Variants in SKP2 observed in about 807,000 individuals in gnomAD.
The protein encoded by SKP2 is S-phase kinase associated protein 2.
A neutral mutation model predicts 51.8 loss-of-function variants in SKP2; 16 were observed. The observed-to-expected ratio is 0.31, with a 90% CI of 0.21 to 0.47. The LOEUF (loss-of-function observed/expected upper bound fraction) is 0.47. Ranked by LOEUF, SKP2 falls within the 20% of genes least tolerant of loss-of-function variation. SKP2 has a pLI of 1.00. For missense variants in SKP2, 377 were observed against 505.3 expected (o/e 0.75, Z 2.43); for synonymous variants, 176 against 198.6 (o/e 0.89, Z 0.96).
At position 36,183,156 on chromosome 5, in the gene SKP2, C is replaced by T. The variant is rs545954479; in HGVS notation, c.*1125C>T. ...CATGCAGTTTCAGTAGTAAGCACTA[C>T]TTATACCTACATAAGAGTTAAAATC... On this transcript the variant is annotated 3_prime_UTR_variant, in exon 10 of 10. Coordinates refer to ENST00000274255, the MANE Select transcript of SKP2 (RefSeq NM_005983.4). The T allele has an allele frequency of 1.0e-6, 1 of 977,018 alleles. No homozygotes were observed. The highest frequency in any genetic ancestry group is 1.1e-4 in the East Asian group (1 of 8,794). 60.5% of individuals were successfully genotyped at this position (977,018 alleles called of 1,614,324 possible).
intron 7 of SKP2, among the ~76,000 whole-genome samples, chr5:36,175,294 G>C (rs748029076): frequency 3.2e-4 from 48 of 152,176 alleles, no homozygotes; most frequent in Non-Finnish European, 5.6e-4. Flanking sequence ...AAAGAGTTTA[G>C]GGAAGGAGGA....
intron 2 of SKP2, among the ~76,000 whole-genome samples, chr5:36,159,057 G>A (rs115703181): frequency 1.3e-5 from 2 of 152,204 alleles, no homozygotes; most frequent in African/African-American, 4.8e-5. Context: ...ATAGAGTCCT[G>A]TTATGTGCCA....
At chr5:36,186,152 G>T (rs1473809200), downstream of SKP2, among the ~76,000 whole-genome samples, 1 of 152,138 alleles carries the variant, frequency 6.6e-6, no homozygotes, top group Non-Finnish European at 1.5e-5. Flanking sequence ...GGAGATTTTG[G>T]CTGAGACGAT....
chr5:36,155,418 T>G (rs932780554), intron 2 of SKP2, among the ~76,000 whole-genome samples: 17 of 152,188 alleles, frequency 1.1e-4, no homozygotes, highest in African/African-American at 3.9e-4. Context: ...TTTCTTTGCC[T>G]TAGTTCCTTT....
At position 36,178,625 on chromosome 5, in the gene SKP2, G is replaced by A. The variant is rs139783247; in HGVS notation, c.1061+1333G>A. Among the ~76,000 whole-genome samples the A allele has an allele frequency of 3.3e-4, 50 of 152,090 alleles. No individual in the cohort carries two copies. The East Asian group carries it at 6.2e-3, about 19-fold the overall frequency. ...TCCAGAACTCCTAGGAGCTTCTAGC[G>A]TCTACCCAAAAAGGCTTCTTTGTCA... On this transcript the variant is annotated intron_variant, in intron 9 of 9. Transcript: ENST00000274255.
intron 6 of SKP2, among the ~76,000 whole-genome samples, chr5:36,191,715 G>T (rs1022408412): frequency 2.6e-5 from 4 of 152,138 alleles, no homozygotes; most frequent in African/African-American, 9.7e-5. Flanking sequence ...AAGTAGTCTA[G>T]AGACTGGGCA....
At chr5:36,174,985 A>G (rs1745586535) in intron 7 of SKP2, among the ~76,000 whole-genome samples, 1 of 152,164 alleles carries the variant, frequency 6.6e-6, no homozygotes, top group Admixed American at 6.5e-5. Flanking sequence ...GGATATGGGA[A>G]GCCATTGGAG....
intron 9 of SKP2, among the ~76,000 whole-genome samples, 179 bp from the exon 10 acceptor site, chr5:36,181,639 A>G (rs1745814737): frequency 6.6e-6 from 1 of 152,208 alleles, no homozygotes; most frequent in Non-Finnish European, 1.5e-5. Context: ...CATGTTGCTC[A>G]AGCTATATGG....
chr5:36,156,611 C>T (rs144212874), intron 2 of SKP2, among the ~76,000 whole-genome samples: 132 of 152,164 alleles, frequency 8.7e-4, no homozygotes, highest in Middle Eastern at 3.4e-3. Context: ...CAGTAACAGG[C>T]GGAAAGGGGA....
In SKP2 at chr5:36,161,489, T is replaced by C. The variant is rs898287888; in HGVS notation, c.281-2156T>C. Among the ~76,000 whole-genome samples the C allele has an allele frequency of 5.3e-5, 8 of 152,244 alleles. No homozygotes were observed. The East Asian group carries it at 1.5e-3, about 29-fold the overall frequency. On this transcript the variant is annotated intron_variant, in intron 2 of 9. Coordinates refer to ENST00000274255, the MANE Select transcript of SKP2 (RefSeq NM_005983.4). Reference sequence around the variant, plus strand: ...GGCAAGCACAGGATGTGCAAAAGCATTGAGATACGGCACAGAATGACTCAT... The same window carrying C: ...GGCAAGCACAGGATGTGCAAAAGCACTGAGATACGGCACAGAATGACTCAT...
intron 6 of SKP2, among the ~76,000 whole-genome samples, chr5:36,191,166 A>G (rs533925741): frequency 6.6e-6 from 1 of 152,308 alleles, no homozygotes; most frequent in South Asian, 2.1e-4. Context: ...GGTTAGATCT[A>G]GCAACAAAAA....
At chr5:36,171,235 C>A (rs11960031) in intron 6 of SKP2, among the ~76,000 whole-genome samples, 24,987 of 152,156 alleles carry the variant, frequency 0.16, 4,249 homozygotes, top group African/African-American at 0.43. Context: ...TCAGTGCAAT[C>A]CATCAATTGC....
At position 36,170,294 on chromosome 5, in the gene SKP2, G is replaced by A. The variant is rs190542084; in HGVS notation, c.672-50G>A. 58 of 1,057,194 alleles carry A rather than the reference G, an allele frequency of 5.5e-5. No homozygotes were observed. In the African/African-American group the frequency reaches 8.3e-4, roughly 15 times the overall value. 65.5% of individuals were successfully genotyped at this position (1,057,194 alleles called of 1,614,324 possible). ...CTGCTTTCATCTAAATGTTGTTGAT[G>A]AATAGTGTCTTACTGGTCTTTTTCT... On this transcript the variant is annotated intron_variant, in intron 5 of 9. Coordinates refer to ENST00000274255, the MANE Select transcript of SKP2 (RefSeq NM_005983.4).
Position 36,155,482 on chromosome 5 carries a change from T to C in SKP2, c.280+2440T>C, listed in dbSNP as rs757048154. 2.0e-5 allele frequency among the ~76,000 whole-genome samples: 3 copies of C among 152,334 alleles called. No homozygotes were observed. The South Asian group carries it at 6.2e-4, about 32-fold the overall frequency. Reference sequence around the variant, plus strand: ...CCCACTTCACAGGTCGTCGTGAAGATTAAATGAGAATGACGTAAAACCCTT... The same window carrying C: ...CCCACTTCACAGGTCGTCGTGAAGACTAAATGAGAATGACGTAAAACCCTT... On this transcript the variant is annotated intron_variant, in intron 2 of 9. Transcript: ENST00000274255.
chr5:36,160,306 G>A (rs1370367873), intron 2 of SKP2, among the ~76,000 whole-genome samples: 2 of 152,190 alleles, frequency 1.3e-5, no homozygotes, highest in African/African-American at 4.8e-5. Flanking sequence ...AAATAGCTAA[G>A]TATGTTATTG....
chr5:36,155,330 G>A (rs575506240), intron 2 of SKP2: 1 of 152,332 alleles, frequency 6.6e-6, no homozygotes, highest in Admixed American at 6.5e-5. Context: ...TAGAAAAGCA[G>A]TAGAGGGTTG....
downstream of SKP2, among the ~76,000 whole-genome samples, chr5:36,186,749 T>G (rs1160051408): frequency 6.6e-6 from 1 of 152,178 alleles, no homozygotes. Flanking sequence ...AGGATGATGC[T>G]GGCCTCACAA....
intron 6 of SKP2, among the ~76,000 whole-genome samples, chr5:36,170,753 G>T (rs13181119): frequency 0.029 from 4,472 of 152,224 alleles, 112 homozygotes; most frequent in Non-Finnish European, 0.045. Context: ...GTACATTCAG[G>T]TTTTTTCCCC....
Position 36,184,057 on chromosome 5 carries a change from T to G in SKP2, c.*2026T>G. On this transcript the variant is annotated 3_prime_UTR_variant, in exon 10 of 10. Transcript: ENST00000274255. ...AGTGCTTAAACTAAGTTGTATTCCTTTTTTCTTTCTCTTTTTTTAAGTGCT... is the reference window on the plus strand; with the variant it reads ...AGTGCTTAAACTAAGTTGTATTCCTGTTTTCTTTCTCTTTTTTTAAGTGCT... 9.9e-7 allele frequency: 1 copy of G among 1,005,960 alleles called. No homozygotes were observed. Among genetic ancestry groups the G allele is most frequent in the Non-Finnish European group, 1.5e-6 (1 of 677,926 alleles). 62.3% of individuals were successfully genotyped at this position (1,005,960 alleles called of 1,614,324 possible).
Sources: gnomAD v4.1 joint callset for allele counts (sites outside exome capture counted in the v4.1 genomes callset) on GRCh38, gnomAD v4.1.1 for gene constraint, MANE v1.5 for transcripts, NCBI Gene and HGNC (gene_info 2026-07-23, HGNC 2026-07-21) for gene names.